The following RGS7 variants were observed in gnomAD, a reference collection of about 807,000 sequenced individuals.
RGS7 encodes the protein regulator of G-protein signaling 7.
In RGS7, 27 loss-of-function variants were observed where a neutral mutation model predicts 81.1. That is an observed-to-expected ratio of 0.33 (90% CI 0.25 to 0.46). The LOEUF (loss-of-function observed/expected upper bound fraction) is 0.46. Ranked by LOEUF, RGS7 falls within the 20% of genes least tolerant of loss-of-function variation. The pLI, the probability that RGS7 is intolerant of heterozygous loss-of-function variation, is 1.00. For missense variants in RGS7, 396 were observed against 607.4 expected (o/e 0.65, Z 3.66); for synonymous variants, 208 against 207.7 (o/e 1.00, Z -0.01).
At chr1:241,091,662 G>A (rs1376905853) in intron 3 of RGS7, among the ~76,000 whole-genome samples, 3 of 152,054 alleles carry the variant, frequency 2.0e-5, no homozygotes, top group Admixed American at 1.3e-4. Context: ...GAGACATGAG[G>A]ATCTCTTGAG....
chr1:241,175,263 A>G (rs1339651506), intron 2 of RGS7, among the ~76,000 whole-genome samples: 6 of 152,100 alleles, frequency 3.9e-5, no homozygotes, highest in African/African-American at 9.7e-5. Context: ...CTCCTATTAC[A>G]CATTGGAAGC....
chr1:241,345,507 A>G (rs577735533), intron 2 of RGS7, among the ~76,000 whole-genome samples: 9 of 152,344 alleles, frequency 5.9e-5, no homozygotes, highest in African/African-American at 2.2e-4. Context: ...AAAGGTAAAA[A>G]CCAACATATT....
At chr1:241,109,475 TTAACA>T (rs1227926483) in intron 2 of RGS7, among the ~76,000 whole-genome samples, 3 of 152,154 alleles carry the variant, frequency 2.0e-5, no homozygotes, top group Admixed American at 2.0e-4. Flanking sequence ...AAGTTATTTA[TTAACA>T]TAAATATCAT....
At chr1:241,335,672 G>T (rs1034187073) in intron 2 of RGS7, among the ~76,000 whole-genome samples, 4 of 151,006 alleles carry the variant, frequency 2.6e-5, no homozygotes, top group African/African-American at 9.9e-5. Context: ...TTCTTAAAGA[G>T]CTCAAAAGAT....
chr1:241,126,809 ATT>A (rs55818497), intron 2 of RGS7, among the ~76,000 whole-genome samples: 12 of 145,426 alleles, frequency 8.3e-5, no homozygotes, highest in Admixed American at 1.4e-4. Flanking sequence ...CCTTAAGTTG[ATT>A]TTTTTTTTTT....
intron 4 of RGS7, among the ~76,000 whole-genome samples, chr1:240,972,186 C>A (rs114546365): frequency 6.6e-6 from 1 of 152,012 alleles, no homozygotes; most frequent in African/African-American, 2.4e-5. Context: ...TATGGTTGCC[C>A]GCCATTTATG....
chr1:241,207,360 TGCGTAA>T (rs377018317), intron 2 of RGS7, among the ~76,000 whole-genome samples: 1 of 151,174 alleles, frequency 6.6e-6, no homozygotes, highest in South Asian at 2.1e-4. Flanking sequence ...TATATATATA[TGCGTAA>T]ATATACAGCT....
chr1:240,961,650 C>A (rs990439091), intron 4 of RGS7, among the ~76,000 whole-genome samples: 1 of 151,958 alleles, frequency 6.6e-6, no homozygotes, highest in Admixed American at 6.6e-5. Flanking sequence ...AATGGCAATG[C>A]GCAATGGGGA....
chr1:240,960,598 C>T (rs1263125840), intron 4 of RGS7, among the ~76,000 whole-genome samples: 3 of 145,994 alleles, frequency 2.1e-5, no homozygotes, highest in Non-Finnish European at 4.5e-5. Flanking sequence ...ACTTTAAAAG[C>T]CAAGTGAAAA....
chr1:240,904,837 T>C (rs1461365072), intron 6 of RGS7, among the ~76,000 whole-genome samples: 2 of 152,166 alleles, frequency 1.3e-5, no homozygotes, highest in Non-Finnish European at 2.9e-5. Flanking sequence ...TAAGGGACAG[T>C]TCAGATCTTT....
intron 3 of RGS7, among the ~76,000 whole-genome samples, chr1:240,991,683 C>G (rs1334695542): frequency 6.6e-6 from 1 of 152,058 alleles, no homozygotes; most frequent in African/African-American, 2.4e-5. Context: ...TGTTTTAGTT[C>G]TATGGTTCTT....
intron 9 of RGS7, among the ~76,000 whole-genome samples, chr1:240,866,080 G>A (rs895642130): frequency 6.6e-6 from 1 of 152,168 alleles, no homozygotes; most frequent in Non-Finnish European, 1.5e-5. Flanking sequence ...TTTTTAAAAT[G>A]CCAAGAGGGA....
At chr1:240,875,707 A>G (rs985063002) in intron 6 of RGS7, among the ~76,000 whole-genome samples, 3 of 152,172 alleles carry the variant, frequency 2.0e-5, no homozygotes, top group East Asian at 3.8e-4. Context: ...GTTACCTTTC[A>G]TCTTTTCAAT....
chr1:241,252,883 C>T (rs1272446041), intron 2 of RGS7, among the ~76,000 whole-genome samples: 1 of 152,148 alleles, frequency 6.6e-6, no homozygotes, highest in South Asian at 2.1e-4. Flanking sequence ...AAGCACACTG[C>T]CCCCCTTATC....
At chr1:240,856,445 C>T (rs1347476818) in intron 9 of RGS7, among the ~76,000 whole-genome samples, 1 of 152,140 alleles carries the variant, frequency 6.6e-6, no homozygotes, top group African/African-American at 2.4e-5. Context: ...GGTTGAAAGA[C>T]ATACTAAATG....
At chr1:241,177,428 G>A (rs2071238435) in intron 2 of RGS7, among the ~76,000 whole-genome samples, 1 of 152,062 alleles carries the variant, frequency 6.6e-6, no homozygotes, top group Admixed American at 6.6e-5. Flanking sequence ...ATGTACAACA[G>A]AAAATGGAAG....
At chr1:241,035,291 T>G (rs1274108147) in intron 3 of RGS7, among the ~76,000 whole-genome samples, 2 of 152,044 alleles carry the variant, frequency 1.3e-5, no homozygotes, top group African/African-American at 4.8e-5. Flanking sequence ...CTAGGCCAGA[T>G]AGTTTGTTAA....
At chr1:241,327,150 A>AGG (rs1553320977) in intron 2 of RGS7, among the ~76,000 whole-genome samples, 27 of 100,500 alleles carry the variant, frequency 2.7e-4, no homozygotes, top group Non-Finnish European at 6.2e-4. Context: ...AAGAAAGGAA[A>AGG]GAAAGAAAGA....
intron 2 of RGS7, among the ~76,000 whole-genome samples, chr1:241,176,962 A>C (rs183468031): frequency 6.6e-6 from 1 of 152,224 alleles, no homozygotes; most frequent in Admixed American, 6.5e-5. Context: ...AAAGTGAAAA[A>C]CTGAAGCGGA....
Sources: allele counts gnomAD v4.1 joint callset (sites outside exome capture counted in the v4.1 genomes callset), GRCh38; gene constraint gnomAD v4.1.1; transcripts MANE v1.5; gene names NCBI Gene and HGNC (gene_info 2026-07-23, HGNC 2026-07-21).